GPC6: variants seen among roughly 807,000 people sequenced by gnomAD.
The protein encoded by GPC6 is glypican 6.
GPC6 carries 14 observed loss-of-function variants against 55.2 expected under a neutral mutation model. The observed-to-expected ratio is 0.25, with a 90% CI of 0.17 to 0.40. The LOEUF is 0.40. Ranked by LOEUF, GPC6 falls within the 10% of genes least tolerant of loss-of-function variation. The pLI, the probability that GPC6 is intolerant of heterozygous loss-of-function variation, is 1.00. For missense variants in GPC6, 641 were observed against 708.5 expected, an observed-to-expected ratio of 0.90 and a Z score of 1.08; for synonymous variants, 278 against 259.6, an observed-to-expected ratio of 1.07 and a Z score of -0.68.
At chr13:93,556,509 C>A (rs1487511433) in intron 2 of GPC6, among the ~76,000 whole-genome samples, 1 of 150,294 alleles carries the variant, frequency 6.7e-6, no homozygotes, top group Non-Finnish European at 1.5e-5. Flanking sequence ...GAGTATCCAT[C>A]CCCTCAAGCA....
At chr13:94,113,113 G>A (rs1886309533) in intron 4 of GPC6, among the ~76,000 whole-genome samples, 1 of 152,012 alleles carries the variant, frequency 6.6e-6, no homozygotes. Flanking sequence ...GAATACATTG[G>A]CAATCTCAAA....
intron 2 of GPC6, among the ~76,000 whole-genome samples, chr13:93,768,796 G>A (rs1885201608): frequency 6.6e-6 from 1 of 152,028 alleles, no homozygotes; most frequent in Non-Finnish European, 1.5e-5. Flanking sequence ...AACTAATGTT[G>A]AAAATAGTAC....
intron 2 of GPC6, among the ~76,000 whole-genome samples, chr13:93,564,329 A>G (rs181499706): frequency 6.6e-6 from 1 of 152,280 alleles, no homozygotes; most frequent in Admixed American, 6.5e-5. Context: ...ATATACATGA[A>G]GGAGTCATAT....
At chr13:94,086,477 TAAAAA>T (rs11323195) in intron 4 of GPC6, among the ~76,000 whole-genome samples, 3 of 149,692 alleles carry the variant, frequency 2.0e-5, no homozygotes, top group Non-Finnish European at 4.5e-5. Context: ...TGTACATGAC[TAAAAA>T]AAAAAAAATC....
chr13:94,224,515 T>C (rs1237194102), intron 4 of GPC6, among the ~76,000 whole-genome samples: 3 of 151,766 alleles, frequency 2.0e-5, no homozygotes, highest in Non-Finnish European at 4.4e-5. Flanking sequence ...CCTTTAAAGA[T>C]TATTTAAGAT....
intron 4 of GPC6, among the ~76,000 whole-genome samples, chr13:94,152,362 A>G (rs1020627673): frequency 1.6e-4 from 25 of 152,282 alleles, no homozygotes; most frequent in Non-Finnish European, 5.9e-5. Context: ...TGCTTGGGTG[A>G]TCTTGGGTAA....
chr13:93,974,191 A>T (rs1279772424), intron 3 of GPC6, among the ~76,000 whole-genome samples: 1 of 152,210 alleles, frequency 6.6e-6, no homozygotes, highest in Non-Finnish European at 1.5e-5. Flanking sequence ...CTGGTAATAT[A>T]CAAGTGTTAC....
chr13:94,035,651 G>A (rs185409588), intron 4 of GPC6, among the ~76,000 whole-genome samples: 1 of 152,134 alleles, frequency 6.6e-6, no homozygotes, highest in Admixed American at 6.5e-5. Flanking sequence ...AGCAGCTAAA[G>A]TGAAAAGCCT....
At chr13:93,417,775 G>T (rs1594155358) in intron 1 of GPC6, among the ~76,000 whole-genome samples, 1 of 151,944 alleles carries the variant, frequency 6.6e-6, no homozygotes, top group East Asian at 1.9e-4. Flanking sequence ...ATTAGAACTG[G>T]GATGTAAATG....
intron 4 of GPC6, among the ~76,000 whole-genome samples, chr13:94,198,635 C>A (rs1889654117): frequency 6.6e-6 from 1 of 152,162 alleles, no homozygotes; most frequent in Non-Finnish European, 1.5e-5. Context: ...AACTTGGTGA[C>A]CCCATCCAGC....
chr13:93,695,231 C>T (rs560471172), intron 2 of GPC6, among the ~76,000 whole-genome samples: 2 of 151,876 alleles, frequency 1.3e-5, no homozygotes, highest in Non-Finnish European at 2.9e-5. Context: ...CTGAAATCAC[C>T]CTAAAATATG....
intron 3 of GPC6, among the ~76,000 whole-genome samples, chr13:93,939,556 T>C (rs1285379675): frequency 6.6e-6 from 1 of 152,126 alleles, no homozygotes; most frequent in Non-Finnish European, 1.5e-5. Context: ...ACGTTTTTTT[T>C]CAATTATTTA....
chr13:93,506,876 T>TA (rs55983340), intron 1 of GPC6, among the ~76,000 whole-genome samples: 118,129 of 135,250 alleles, frequency 0.87, 51,379 homozygotes, highest in Middle Eastern at 0.94. Context: ...CTGTCTCTAC[T>TA]AAAAAAAAAA....
intron 2 of GPC6, among the ~76,000 whole-genome samples, chr13:93,747,736 G>A (rs1032126116): frequency 4.6e-5 from 7 of 152,158 alleles, no homozygotes; most frequent in African/African-American, 1.7e-4. Context: ...GCATGCTCTA[G>A]GTAGGCTAGG....
intron 4 of GPC6, among the ~76,000 whole-genome samples, chr13:94,260,997 G>C (rs1891640011): frequency 6.6e-6 from 1 of 152,134 alleles, no homozygotes; most frequent in Non-Finnish European, 1.5e-5. Flanking sequence ...AAAGGCGCCG[G>C]GCACAGTGGC....
rs7996693 is a variant in GPC6 at position 94,233,511 on chromosome 13, A to T, written c.878-52838A>T. 8.4e-3 allele frequency among the ~76,000 whole-genome samples: 1,281 copies of T among 152,296 alleles called. 27 individuals are homozygous for T. Among genetic ancestry groups the T allele is most frequent in the African/African-American group, 0.029 (1,215 of 41,564 alleles). ...GGAAAATTCCAGAAATAAACAATGC[A>T]TACGTTTTAAGTTTCCCACTGTTCT... On this transcript the variant is annotated intron_variant, in intron 4 of 8. Transcript: ENST00000377047.
At chr13:93,940,458 A>C (rs1878679799) in intron 3 of GPC6, among the ~76,000 whole-genome samples, 1 of 151,968 alleles carries the variant, frequency 6.6e-6, no homozygotes, top group African/African-American at 2.4e-5. Context: ...GAATGGATGA[A>C]TATCAGACAT....
At chr13:94,194,967 G>A (rs953840608) in intron 4 of GPC6, among the ~76,000 whole-genome samples, 3 of 151,928 alleles carry the variant, frequency 2.0e-5, no homozygotes, top group African/African-American at 7.3e-5. Flanking sequence ...CATAACCAAG[G>A]GCAAATCTAA....
At chr13:93,797,232 C>T (rs552769744) in intron 2 of GPC6, among the ~76,000 whole-genome samples, 1 of 152,076 alleles carries the variant, frequency 6.6e-6, no homozygotes, top group African/African-American at 2.4e-5. Flanking sequence ...TAACAGGCTC[C>T]GGGTGATTAG....
Sources: gnomAD v4.1 joint callset for allele counts (sites outside exome capture counted in the v4.1 genomes callset) on GRCh38, gnomAD v4.1.1 for gene constraint, MANE v1.5 for transcripts, NCBI Gene and HGNC (gene_info 2026-07-23, HGNC 2026-07-21) for gene names.